The following CHD2 variants were observed in gnomAD, a reference collection of about 807,000 sequenced individuals.
CHD2 encodes the protein ATP-dependent chromatin remodeler CHD2.
A neutral mutation model predicts 243.9 loss-of-function variants in CHD2; 28 were observed. The observed-to-expected ratio is 0.11, with a 90% confidence interval of 0.09 to 0.16. CHD2 has a LOEUF of 0.16. CHD2 is among the 10% of genes least tolerant of loss of function. The probability of loss-of-function intolerance (pLI) is 1.00; values close to 1 mark genes in which losing one functional copy is unlikely to be tolerated. For synonymous variants in CHD2, 775 were observed against 779.0 expected, an observed-to-expected ratio of 0.99 and a Z score of 0.09; for missense variants, 1,386 against 2,209.8, an observed-to-expected ratio of 0.63 and a Z score of 7.47.
At chr15:93,020,752 G>A (rs2054525439) in intron 38 of CHD2, 1 of 171,930 alleles carries the variant, frequency 5.8e-6, no homozygotes, top group African/African-American at 2.4e-5. Flanking sequence ...GAGCTAAAGA[G>A]GTTTTATCTG....
chr15:92,924,545 T>G lies in CHD2; in HGVS notation c.287T>G (p.Val96Gly). ...PASKKERIADVKKMWEEYPDV... is the reference protein window; with the variant it reads ...PASKKERIADGKKMWEEYPDV... ...TCTAAGAAGGAACGGATAGCTGATG[T>G]GAAGAAGGTATCTACTTTGCCCTGC... Residue 96 changes from valine (V) to glycine (G), a missense_variant, in exon 3 of 39, where the codon GTG (valine) becomes GGG (glycine). Around this residue, in one of 19 missense-constraint regions of CHD2, gnomAD observed 16 missense variants for 76.0 expected, o/e 0.21. Coordinates refer to ENST00000394196, the MANE Select transcript of CHD2 (RefSeq NM_001271.4). 6.2e-7 allele frequency: 1 copy of G among 1,613,618 alleles called. No homozygotes were observed. The highest frequency in any genetic ancestry group is 8.5e-7 in the Non-Finnish European group (1 of 1,179,544).
intron 26 of CHD2, among the ~76,000 whole-genome samples, chr15:92,990,658 A>T (rs924190315): frequency 6.6e-6 from 1 of 152,194 alleles, no homozygotes; most frequent in African/African-American, 2.4e-5. Flanking sequence ...CTATTGTCAT[A>T]TTCAGTCCCA....
rs913833972 is a variant in CHD2, at chr15:93,009,212, A to G, written c.4481A>G (p.Asn1494Ser). 3.7e-6 allele frequency: 6 copies of G among 1,614,104 alleles called. No individual in the cohort carries two copies. Among genetic ancestry groups the G allele is most frequent in the Admixed American group, 1.7e-5 (1 of 60,012 alleles). ...CTCGACAAACCTGACAAGGGGCTCA[A>G]CGTGCAAGAACAGCTGGAACACACC... ...KQLDKPDKGLNVQEQLEHTRN... is the reference protein window; with the variant it reads ...KQLDKPDKGLSVQEQLEHTRN... Residue 1494 changes from asparagine to serine, a missense_variant, in exon 35 of 39, where the codon AAC becomes AGC. Physicochemically the swap from Asn to Ser is conservative, Grantham distance 46 (BLOSUM62 1). This residue lies in a region of CHD2 where 42 missense variants were observed against 47.6 expected (regional missense o/e 0.88). Transcript: ENST00000394196.
intron 33 of CHD2, 50 bp from the exon 34 acceptor site, chr15:93,004,567 C>T (rs368178158): frequency 4.2e-5 from 64 of 1,538,372 alleles, no homozygotes; most frequent in Middle Eastern, 1.7e-4. Context: ...CTAAATCGCA[C>T]GGTAGGATTG....
chr15:92,917,890 T>C (rs1372921319), intron 2 of CHD2, among the ~76,000 whole-genome samples: 1 of 152,262 alleles, frequency 6.6e-6, no homozygotes, highest in Non-Finnish European at 1.5e-5. Context: ...ATATTAGCTA[T>C]TGTATCACTG....
chr15:92,939,774 G>T, intron 7 of CHD2, 56 bp downstream of exon 7: 1 of 1,571,170 alleles, frequency 6.4e-7, no homozygotes, highest in South Asian at 1.2e-5. Flanking sequence ...TAGTTGGTTA[G>T]ATTTTGGTTC....
At chr15:92,974,528 A>G (rs1187233311) in intron 19 of CHD2, among the ~76,000 whole-genome samples, 2 of 152,178 alleles carry the variant, frequency 1.3e-5, no homozygotes, top group Admixed American at 1.3e-4. Flanking sequence ...CCGTGGTCCT[A>G]TTTCCTAATC....
chr15:92,971,732 A>G (rs772375845), intron 17 of CHD2, 33 bp from the exon 18 acceptor site: 5 of 1,586,922 alleles, frequency 3.2e-6, no homozygotes, highest in East Asian at 2.2e-5. Context: ...GTTTTTTTGT[A>G]TCTAGTAGTA....
intron 24 of CHD2, among the ~76,000 whole-genome samples, 197 bp from the exon 25 acceptor site, chr15:92,984,133 A>T: frequency 6.6e-6 from 1 of 152,224 alleles, no homozygotes. Flanking sequence ...TTATGATGTG[A>T]TGAACTTGAG....
chr15:93,024,287 T>G (rs1057393474), intron 38 of CHD2, 85 bp from the exon 39 acceptor site: 19 of 1,201,120 alleles, frequency 1.6e-5, no homozygotes, highest in Non-Finnish European at 2.3e-5. Context: ...TATGAGTATA[T>G]GAGGAAGAGC....
At chr15:92,904,882 G>A (rs1470147202) in intron 2 of CHD2, 1 of 1,532,292 alleles carries the variant, frequency 6.5e-7, no homozygotes, top group Non-Finnish European at 8.7e-7. Flanking sequence ...AAAACCTCTT[G>A]ACGGGTGTTA....
intron 2 of CHD2, among the ~76,000 whole-genome samples, chr15:92,920,156 T>C (rs958111680): frequency 4.0e-5 from 6 of 150,680 alleles, no homozygotes; most frequent in East Asian, 1.9e-4. Context: ...CTTTTTTTTT[T>C]CCCCAGAAGG....
rs1243119782 is a variant in CHD2 at position 92,924,346 on chromosome 15, G to A, written c.88G>A (p.Gly30Ser). The A allele has an allele frequency of 3.1e-6, 5 of 1,613,648 alleles. No individual in the cohort carries two copies. In the East Asian group the frequency reaches 1.1e-4, roughly 36 times the overall value. The change falls in exon 3 of 39, where the codon GGT becomes AGT. Residue 30 changes from glycine to serine, a missense_variant. Physicochemically the swap from Gly to Ser is moderately conservative, Grantham distance 56. Around this residue, in one of 19 missense-constraint regions of CHD2, gnomAD observed 89 missense variants for 102.4 expected, o/e 0.87. Coordinates refer to ENST00000394196, the MANE Select transcript of CHD2 (RefSeq NM_001271.4). ...TCACTCAGCCTCTGAAGAAGCTTCG[G>A]GTTCAGACTCAGGCAGTCAGTCGGA... Reference protein sequence around the residue: ...SSHSASEEASGSDSGSQSESE... With the variant: ...SSHSASEEASSSDSGSQSESE...
At chr15:92,917,989 A>G (rs1396219959) in intron 2 of CHD2, among the ~76,000 whole-genome samples, 1 of 152,206 alleles carries the variant, frequency 6.6e-6, no homozygotes, top group Non-Finnish European at 1.5e-5. Context: ...TCACCCACAA[A>G]AACACTAAGC....
intron 5 of CHD2, among the ~76,000 whole-genome samples, chr15:92,935,132 T>G (rs1596388317): frequency 6.6e-6 from 1 of 150,926 alleles, no homozygotes; most frequent in Non-Finnish European, 1.5e-5. Context: ...ACCTCCCGGG[T>G]TCACGCCATT....
chr15:92,944,072 G>A (rs1474024421), intron 9 of CHD2: 4 of 157,566 alleles, frequency 2.5e-5, no homozygotes, highest in Admixed American at 6.4e-5. Flanking sequence ...AAGAAAAGGC[G>A]TACAGTTTTA....
At chr15:92,931,576 C>T (rs527305122) in intron 5 of CHD2, among the ~76,000 whole-genome samples, 22 of 152,012 alleles carry the variant, frequency 1.4e-4, no homozygotes, top group Admixed American at 2.0e-4. Context: ...GGTCTCACTA[C>T]GTTGCCCTGG....
At chr15:92,930,080 T>C (rs1262680732) in intron 5 of CHD2, among the ~76,000 whole-genome samples, 2 of 152,336 alleles carry the variant, frequency 1.3e-5, no homozygotes, top group African/African-American at 2.4e-5. Flanking sequence ...TTTGGAGAAA[T>C]AGTAACTGTA....
chr15:93,006,445 C>T (rs2054323364), intron 34 of CHD2, among the ~76,000 whole-genome samples: 2 of 152,180 alleles, frequency 1.3e-5, no homozygotes, highest in South Asian at 4.2e-4. Context: ...CTCTTACCTC[C>T]CAGACGTAAC....
Sources: allele counts gnomAD v4.1 joint callset (sites outside exome capture counted in the v4.1 genomes callset), GRCh38; gene constraint gnomAD v4.1.1; regional missense constraint gnomAD v4.1.1; transcripts MANE v1.5; gene names NCBI Gene and HGNC (gene_info 2026-07-23, HGNC 2026-07-21).